CLNK: variants seen among roughly 807,000 people sequenced by gnomAD.
CLNK encodes the protein cytokine dependent hematopoietic cell linker, also known as cytokine-dependent hematopoietic cell linker.
In CLNK, 74 loss-of-function variants were observed where a neutral mutation model predicts 68.6. The ratio of observed to expected loss-of-function variants is 1.08; its 90% CI spans 0.89 to 1.31. The LOEUF (loss-of-function observed/expected upper bound fraction) is 1.31. CLNK is among the 50% of genes most tolerant of loss of function. The probability of loss-of-function intolerance (pLI) is 0.00; values close to 1 mark genes in which losing one functional copy is unlikely to be tolerated. For synonymous variants in CLNK, 198 were observed against 172.2 expected, an observed-to-expected ratio of 1.15 and a Z score of -1.17; for missense variants, 553 against 515.3, an observed-to-expected ratio of 1.07 and a Z score of -0.71.
intron 2 of CLNK, among the ~76,000 whole-genome samples, chr4:10,653,899 C>T (rs190342283): frequency 1.3e-5 from 2 of 152,214 alleles, no homozygotes; most frequent in East Asian, 1.9e-4. Flanking sequence ...AAATATCTAG[C>T]AACAAAAATT....
rs1204180379 is a variant in CLNK at position 10,488,308 on chromosome 4, C to T, written c.*2159G>A. Reference sequence around the variant, plus strand: ...AGCAATGGTTGAGAGGACTCATAGACATTTCTTGAGAACATAGCATTGAAT... The same window carrying T: ...AGCAATGGTTGAGAGGACTCATAGATATTTCTTGAGAACATAGCATTGAAT... On this transcript the variant is annotated 3_prime_UTR_variant, in exon 19 of 19. Coordinates refer to ENST00000226951, the MANE Select transcript of CLNK (RefSeq NM_052964.4). The T allele has an allele frequency of 6.6e-6, 1 of 152,208 alleles. No individual in the cohort carries two copies. Among genetic ancestry groups the T allele is most frequent in the African/African-American group, 2.4e-5 (1 of 41,462 alleles). The allele number at this position is 152,208 out of a possible 1,614,324, so 9.4% of individuals were successfully genotyped here.
intron 2 of CLNK, among the ~76,000 whole-genome samples, chr4:10,643,568 T>C (rs1320814553): frequency 2.0e-5 from 3 of 152,222 alleles, no homozygotes; most frequent in Non-Finnish European, 4.4e-5. Context: ...GAAGAAGATA[T>C]GCAGCCACGC....
chr4:10,714,472 T>G, the CLNK span, among the ~76,000 whole-genome samples: 1 of 152,204 alleles, frequency 6.6e-6, no homozygotes, highest in African/African-American at 2.4e-5. Context: ...GAAGAACAAT[T>G]AATATGCCAT....
chr4:10,623,177 A>G (rs1722529343), intron 2 of CLNK, among the ~76,000 whole-genome samples: 1 of 152,078 alleles, frequency 6.6e-6, no homozygotes. Flanking sequence ...GTCTCCCATT[A>G]CTCAGTTGAG....
At chr4:10,496,012 C>T (rs903290574) in intron 18 of CLNK, among the ~76,000 whole-genome samples, 4 of 152,138 alleles carry the variant, frequency 2.6e-5, no homozygotes, top group African/African-American at 7.2e-5. Flanking sequence ...GACTCCTGGC[C>T]TCCAGCACTG....
chr4:10,681,892 A>C (rs1331345974), intron 1 of CLNK, among the ~76,000 whole-genome samples: 1 of 152,156 alleles, frequency 6.6e-6, no homozygotes, highest in Non-Finnish European at 1.5e-5. Flanking sequence ...CCGTTTTGTA[A>C]AGTAAGAATT....
At chr4:10,576,042 G>A (rs750661730) in intron 4 of CLNK, among the ~76,000 whole-genome samples, 6 of 152,176 alleles carry the variant, frequency 3.9e-5, no homozygotes, top group Non-Finnish European at 8.8e-5. Flanking sequence ...CGCAACCCAC[G>A]TGTAGCAGAG....
Position 10,664,133 on chromosome 4 carries a change from C to T in CLNK, c.11+3726G>A, listed in dbSNP as rs1288956107. 4.6e-5 allele frequency among the ~76,000 whole-genome samples: 7 copies of T among 151,450 alleles called. No homozygotes were observed. In the East Asian group the frequency reaches 7.7e-4, roughly 17 times the overall value. On this transcript the variant is annotated intron_variant, in intron 2 of 18. Coordinates refer to ENST00000226951, the MANE Select transcript of CLNK (RefSeq NM_052964.4). ...TAGTTACAAAGTCTGCTTAGGATTCCAGGTTATAAAATTGTAAGAAATTCC... is the reference window on the plus strand; with the variant it reads ...TAGTTACAAAGTCTGCTTAGGATTCTAGGTTATAAAATTGTAAGAAATTCC...
intron 3 of CLNK, among the ~76,000 whole-genome samples, chr4:10,594,037 C>T (rs1029487757): frequency 2.0e-5 from 3 of 152,096 alleles, no homozygotes; most frequent in Non-Finnish European, 2.9e-5. Context: ...CTAGGGCCTG[C>T]GTCTGTGTCT....
At chr4:10,518,823 A>G (rs368922423) in intron 15 of CLNK, among the ~76,000 whole-genome samples, 2 of 152,176 alleles carry the variant, frequency 1.3e-5, no homozygotes, top group South Asian at 4.1e-4. Context: ...GAATGCCCAT[A>G]CCTGATGCAT....
intron 2 of CLNK, among the ~76,000 whole-genome samples, chr4:10,645,772 C>G (rs191271176): frequency 6.6e-6 from 1 of 152,144 alleles, no homozygotes; most frequent in Admixed American, 6.5e-5. Flanking sequence ...TTCAAGAGTA[C>G]AGTAGGGAAA....
chr4:10,523,905 G>A, intron 14 of CLNK: 2 of 369,026 alleles, frequency 5.4e-6, no homozygotes, highest in Non-Finnish European at 1.1e-5. Flanking sequence ...TGTGCCTATA[G>A]TTCCAGCTAC....
intron 3 of CLNK, among the ~76,000 whole-genome samples, chr4:10,596,309 G>A (rs1203075589): frequency 2.0e-5 from 3 of 152,174 alleles, no homozygotes; most frequent in African/African-American, 7.2e-5. Flanking sequence ...ACAGGCATAA[G>A]CCACCACATC....
chr4:10,558,390 G>A lies in CLNK; in HGVS notation c.445+17C>T, dbSNP rs368344186. On this transcript the variant is annotated intron_variant, in intron 8 of 18. Coordinates refer to ENST00000226951, the MANE Select transcript of CLNK (RefSeq NM_052964.4). ...TTTTCATACTTACATTTTAAACTTCGATTAACATGACTTTACCTTTAATGT... is the reference window on the plus strand; with the variant it reads ...TTTTCATACTTACATTTTAAACTTCAATTAACATGACTTTACCTTTAATGT... 75 of 1,611,362 alleles carry A rather than the reference G, an allele frequency of 4.7e-5. No individual in the cohort carries two copies. Among genetic ancestry groups the A allele is most frequent in the Non-Finnish European group, 5.7e-5 (67 of 1,177,732 alleles).
At chr4:10,493,948 C>T (rs1716701019) in intron 18 of CLNK, among the ~76,000 whole-genome samples, 1 of 152,200 alleles carries the variant, frequency 6.6e-6, no homozygotes, top group Admixed American at 6.5e-5. Flanking sequence ...GTACAGCATT[C>T]AGAAGAAAGT....
At chr4:10,573,390 T>C (rs571125175) in intron 4 of CLNK, among the ~76,000 whole-genome samples, 1 of 152,284 alleles carries the variant, frequency 6.6e-6, no homozygotes, top group Admixed American at 6.5e-5. Flanking sequence ...CACCTGCCCC[T>C]GGTCCCAGCC....
intron 2 of CLNK, among the ~76,000 whole-genome samples, chr4:10,645,337 A>G (rs574214120): frequency 7.0e-4 from 107 of 152,302 alleles, no homozygotes; most frequent in Non-Finnish European, 1.2e-3. Context: ...AGCCCATACT[A>G]TAGAGCTCAC....
the CLNK span, among the ~76,000 whole-genome samples, chr4:10,700,561 A>G: frequency 3.2e-4 from 48 of 152,338 alleles, 2 homozygotes; most frequent in South Asian, 9.5e-3. Flanking sequence ...TTTACAGATA[A>G]GGCAGATAAG....
chr4:10,646,850 C>A (rs536935162), intron 2 of CLNK, among the ~76,000 whole-genome samples: 1 of 152,308 alleles, frequency 6.6e-6, no homozygotes, highest in East Asian at 1.9e-4. Flanking sequence ...ACTCTGTGAA[C>A]AAACTGTGCA....
Sources: allele counts gnomAD v4.1 joint callset (sites outside exome capture counted in the v4.1 genomes callset), GRCh38; gene constraint gnomAD v4.1.1; transcripts MANE v1.5; gene names NCBI Gene and HGNC (gene_info 2026-07-23, HGNC 2026-07-21).